MAP3K21: variants seen among roughly 807,000 people sequenced by gnomAD.
The protein encoded by MAP3K21 is mitogen-activated protein kinase kinase kinase MLK4.
In MAP3K21, 63 loss-of-function variants were observed where a neutral mutation model predicts 86.1. The ratio of observed to expected loss-of-function variants is 0.73; its 90% CI spans 0.60 to 0.90. The LOEUF (loss-of-function observed/expected upper bound fraction) is 0.90. Ranked by LOEUF, MAP3K21 falls within the 40% of genes least tolerant of loss-of-function variation. The probability of loss-of-function intolerance (pLI) is 0.00; values close to 1 mark genes in which losing one functional copy is unlikely to be tolerated. For synonymous variants in MAP3K21, 558 were observed against 564.8 expected (o/e 0.99, Z 0.17); for missense variants, 1,220 against 1,367.7 (o/e 0.89, Z 1.70).
intron 1 of MAP3K21, among the ~76,000 whole-genome samples, chr1:233,344,148 A>G (rs1279871665): frequency 6.6e-6 from 1 of 152,226 alleles, no homozygotes; most frequent in Non-Finnish European, 1.5e-5. Flanking sequence ...GAAAATGGCC[A>G]TACTGCCCAA....
intron 1 of MAP3K21, among the ~76,000 whole-genome samples, chr1:233,342,655 A>G (rs1305311150): frequency 6.6e-6 from 1 of 152,208 alleles, no homozygotes; most frequent in Non-Finnish European, 1.5e-5. Context: ...GGAAGATAAA[A>G]TCATTCACAA....
rs1306039930 is a variant in MAP3K21 at position 233,346,560 on chromosome 1, T to C, written c.924T>C (p.Tyr308=). 6.2e-7 allele frequency: 1 copy of C among 1,614,024 alleles called. No homozygotes were observed. The highest frequency in any genetic ancestry group is 8.5e-7 in the Non-Finnish European group (1 of 1,179,910). The stretch of plus-strand genomic sequence containing the variant: ...CCAAAATGAGCACAGCAGGCACCTA[T>C]GCCTGGATGGCCCCCGAAGTGATCA... ...RTTKMSTAGT[Y]AWMAPEVIKS... The change falls in exon 2 of 10, where the codon TAT becomes TAC. Residue 308 remains tyrosine, a synonymous_variant. Transcript: ENST00000366624.
At chr1:233,332,242 C>T (rs1341654960) in intron 1 of MAP3K21, among the ~76,000 whole-genome samples, 4 of 151,976 alleles carry the variant, frequency 2.6e-5, no homozygotes, top group African/African-American at 7.3e-5. Context: ...ATGGCAGTCA[C>T]GTAATAACAA....
At chr1:233,370,503 C>A (rs1025538872) in intron 5 of MAP3K21, among the ~76,000 whole-genome samples, 1 of 152,138 alleles carries the variant, frequency 6.6e-6, no homozygotes, top group African/African-American at 2.4e-5. Flanking sequence ...GAAAAGTATT[C>A]AGATTTCTAG....
At chr1:233,378,746 G>T (rs985589121) in intron 8 of MAP3K21, among the ~76,000 whole-genome samples, 185 bp from the exon 9 acceptor site, 13 of 152,166 alleles carry the variant, frequency 8.5e-5, no homozygotes, top group African/African-American at 2.9e-4. Flanking sequence ...ACCTGAAGTT[G>T]TAGGGCCCTA....
intron 5 of MAP3K21, among the ~76,000 whole-genome samples, chr1:233,366,683 A>G (rs1663580814): frequency 6.6e-6 from 1 of 152,204 alleles, no homozygotes. Flanking sequence ...GAGTCCTCCA[A>G]GCTGACCTTT....
intron 1 of MAP3K21, among the ~76,000 whole-genome samples, chr1:233,336,442 G>A (rs758528226): frequency 3.6e-4 from 54 of 152,074 alleles, no homozygotes; most frequent in Non-Finnish European, 5.6e-4. Context: ...TTGGGAGGCT[G>A]AGGCAGGAGA....
At position 233,328,446 on chromosome 1, in the gene MAP3K21, CG is replaced by C; in HGVS notation, c.419del (p.Arg140ProfsTer11). On this transcript the variant is annotated frameshift_variant, in exon 1 of 10. Transcript: ENST00000366624. LOFTEE classifies it high-confidence loss of function. This position sits in a 1 kb window ranked among gnomAD's most constrained non-coding sequence, Gnocchi z 8.7. The part of the protein sequence containing the change: ...IGAGGFGQVY[R>X]ATWQGQEVAV... ...CGCTGGGGGCTTCGGGCAGGTGTAC[CG>C]CGCCACCTGGCAGGGCCAGGAGGTG... 6.7e-7 allele frequency: 1 copy of C among 1,495,144 alleles called. No individual in the cohort carries two copies. 92.6% of individuals were successfully genotyped at this position (1,495,144 alleles called of 1,614,324 possible).
chr1:233,354,070 G>A, intron 3 of MAP3K21, 115 bp downstream of exon 3: 12 of 1,200,782 alleles, frequency 1.0e-5, no homozygotes, highest in Non-Finnish European at 1.2e-5. Flanking sequence ...GTACTTTTAA[G>A]TAACCCTAGT....
chr1:233,381,201 C>A (rs1031813830), intron 9 of MAP3K21, among the ~76,000 whole-genome samples: 8 of 152,186 alleles, frequency 5.3e-5, no homozygotes, highest in Non-Finnish European at 4.4e-5. Flanking sequence ...GCTCATATCT[C>A]TGCTTATATG....
At chr1:233,346,372 A>C (rs1392072714) in intron 1 of MAP3K21, 70 bp from the exon 2 acceptor site, 2 of 1,226,706 alleles carry the variant, frequency 1.6e-6, no homozygotes, top group African/African-American at 3.0e-5. Context: ...TGTGTTTTAC[A>C]TGCCACAGAA....
At chr1:233,356,178 C>T (rs535984196) in intron 4 of MAP3K21, among the ~76,000 whole-genome samples, 5 of 152,300 alleles carry the variant, frequency 3.3e-5, no homozygotes, top group African/African-American at 7.2e-5. Flanking sequence ...TCTACTCCAT[C>T]GGGTAAACTG....
In MAP3K21 at chr1:233,351,775, A is replaced by T. The variant is rs189484983; in HGVS notation, c.987-2032A>T. ...GCTTCTACATTTCACATTTTAAAAA[A>T]AGTTAAAGCTAATGAGGTTTTAAAA... On this transcript the variant is annotated intron_variant, in intron 2 of 9. Transcript: ENST00000366624. Among the ~76,000 whole-genome samples, 236 of 152,356 alleles carry T rather than the reference A, an allele frequency of 1.5e-3. 4 individuals carry two copies. Among genetic ancestry groups the T allele is most frequent in the Admixed American group, 0.012 (176 of 15,300 alleles).
At chr1:233,380,797 T>C (rs1478928049) in intron 9 of MAP3K21, among the ~76,000 whole-genome samples, 1 of 152,206 alleles carries the variant, frequency 6.6e-6, no homozygotes, top group Non-Finnish European at 1.5e-5. Flanking sequence ...AAATTAATGT[T>C]ATTCAAGGTC....
intron 8 of MAP3K21, among the ~76,000 whole-genome samples, chr1:233,378,671 T>C (rs1231631524): frequency 6.6e-6 from 1 of 152,154 alleles, no homozygotes; most frequent in Admixed American, 6.5e-5. Flanking sequence ...TTGAAGCTGA[T>C]GAAGAACAGC....
At chr1:233,342,759 A>T (rs1259292981) in intron 1 of MAP3K21, among the ~76,000 whole-genome samples, 1 of 152,124 alleles carries the variant, frequency 6.6e-6, no homozygotes, top group African/African-American at 2.4e-5. Context: ...GTTATTTCAA[A>T]TGGAAGTGGG....
intron 4 of MAP3K21, among the ~76,000 whole-genome samples, chr1:233,355,512 A>G (rs188672441): frequency 3.6e-4 from 55 of 152,314 alleles, no homozygotes; most frequent in African/African-American, 1.2e-3. Flanking sequence ...GAGTCCTAGA[A>G]CTCAGAGATG....
At chr1:233,346,659 C>T in intron 2 of MAP3K21, 37 bp downstream of exon 2, 1 of 1,567,700 alleles carries the variant, frequency 6.4e-7, no homozygotes, top group Non-Finnish European at 8.7e-7. Context: ...GCAGAAACTG[C>T]TTGCTATGCT....
intron 1 of MAP3K21, among the ~76,000 whole-genome samples, chr1:233,332,343 C>T (rs779525734): frequency 6.6e-6 from 1 of 152,014 alleles, no homozygotes; most frequent in Non-Finnish European, 1.5e-5. Flanking sequence ...CACACAGGGG[C>T]TCTCCAGGGA....
Sources: gnomAD v4.1 joint callset for allele counts (sites outside exome capture counted in the v4.1 genomes callset) on GRCh38, gnomAD v4.1.1 for gene constraint, Gnocchi (gnomAD v3.1) non-coding constraint, MANE v1.5 for transcripts, NCBI Gene and HGNC (gene_info 2026-07-23, HGNC 2026-07-21) for gene names.